The following GPR160 variants were observed in gnomAD, a reference collection of about 807,000 sequenced individuals.
GPR160 encodes the protein G protein-coupled receptor 160.
GPR160 carries 2 observed loss-of-function variants against 2.6 expected under a neutral mutation model. The ratio of observed to expected loss-of-function variants is 0.77; its 90% confidence interval spans 0.32 to 2.44. The LOEUF (loss-of-function observed/expected upper bound fraction) is 2.44. GPR160 is among the 30% of genes most tolerant of loss of function. GPR160 has a pLI of 0.11. For synonymous variants in GPR160, 130 were observed against 132.2 expected (o/e 0.98, Z 0.12); for missense variants, 351 against 383.6 (o/e 0.91, Z 0.71).
In GPR160 at chr3:170,038,401, G is replaced by C. The variant is rs1241861368; in HGVS notation, c.-322+186G>C. The C allele has an allele frequency of 2.6e-5, 4 of 152,234 alleles. No individual in the cohort carries two copies. The highest frequency in any genetic ancestry group is 9.7e-5 in the African/African-American group (4 of 41,424). The allele number at this position is 152,234 out of a possible 1,614,324, so 9.4% of individuals were successfully genotyped here. On this transcript the variant is annotated intron_variant, in intron 1 of 3. Transcript: ENST00000355897. The surrounding 1 kb of genome is among the most constrained non-coding windows in gnomAD (Gnocchi z 5.3). ...GGTTCTCTGCTACTTAAGAGATCCA[G>C]GAGTGGAGCCCGGACGCCCGAGCCT...
chr3:170,062,434 C>T (rs1171608265), intron 2 of GPR160: 2 of 490,016 alleles, frequency 4.1e-6, no homozygotes, highest in Non-Finnish European at 7.6e-6. Flanking sequence ...GTGTTCCAGC[C>T]TTCAGGAGGA....
In GPR160 at chr3:170,084,638, A is replaced by T; in HGVS notation, c.666A>T (p.Leu222Phe). ...CTTCCTATATGAATGAAACTATCTTATATTTTCCTTTTTCATCCCACTCCA... is the reference window on the plus strand; with the variant it reads ...CTTCCTATATGAATGAAACTATCTTTTATTTTCCTTTTTCATCCCACTCCA... Reference protein sequence around the residue: ...RITSYMNETILYFPFSSHSSY... With the variant: ...RITSYMNETIFYFPFSSHSSY... Residue 222 changes from leucine to phenylalanine, a missense_variant, in exon 4 of 4, where the codon TTA becomes TTT. Physicochemically the swap from Leu to Phe is conservative, Grantham distance 22. Transcript: ENST00000355897. 6.2e-7 allele frequency: 1 copy of T among 1,611,222 alleles called. No individual in the cohort carries two copies. The highest frequency in any genetic ancestry group is 1.1e-5 in the South Asian group (1 of 90,998).
intron 2 of GPR160, among the ~76,000 whole-genome samples, chr3:170,065,407 C>T (rs1712273501): frequency 6.6e-6 from 1 of 152,224 alleles, no homozygotes; most frequent in Non-Finnish European, 1.5e-5. Flanking sequence ...TTAGATTGTG[C>T]ACTCTGGATC....
intron 2 of GPR160, among the ~76,000 whole-genome samples, chr3:170,043,858 G>A (rs1237033104): frequency 6.6e-6 from 1 of 151,784 alleles, no homozygotes; most frequent in African/African-American, 2.4e-5. Context: ...CTGCCCTAAC[G>A]ATTCCCAACG....
chr3:170,057,137 G>C (rs1048519006), intron 2 of GPR160, among the ~76,000 whole-genome samples: 1 of 152,178 alleles, frequency 6.6e-6, no homozygotes, highest in Non-Finnish European at 1.5e-5. Context: ...ACCTAGCAAA[G>C]GTAGTTATAA....
At position 170,085,180 on chromosome 3, in the gene GPR160, C is replaced by A; in HGVS notation, c.*191C>A. 1 of 389,016 alleles carries A rather than the reference C, an allele frequency of 2.6e-6. No homozygotes were observed. Among genetic ancestry groups the A allele is most frequent in the Non-Finnish European group, 4.7e-6 (1 of 211,778 alleles). The allele number at this position is 389,016 out of a possible 1,614,324, so 24.1% of individuals were successfully genotyped here. A position where few individuals can be genotyped will look rare whatever the true frequency, so the allele number is the denominator to read the frequency against. On this transcript the variant is annotated 3_prime_UTR_variant, in exon 4 of 4. Coordinates refer to ENST00000355897, the MANE Select transcript of GPR160 (RefSeq NM_014373.3). Reference sequence around the variant, plus strand: ...GTTTTATTTTAAAAACAAAATAATTCCAAGAAGTTTTTATAGTTATTCAGG... The same window carrying A: ...GTTTTATTTTAAAAACAAAATAATTACAAGAAGTTTTTATAGTTATTCAGG...
At chr3:170,040,474 G>A (rs1167919916) in intron 2 of GPR160, among the ~76,000 whole-genome samples, 1 of 152,230 alleles carries the variant, frequency 6.6e-6, no homozygotes, top group African/African-American at 2.4e-5. Context: ...AAGGCAGAGG[G>A]TGTTTGCTGA....
In GPR160 at chr3:170,067,451, C is replaced by A. The variant is rs183067828; in HGVS notation, c.-192-12323C>A. Among the ~76,000 whole-genome samples the A allele has an allele frequency of 1.2e-4, 19 of 152,172 alleles. No homozygotes were observed. In the East Asian group the frequency reaches 3.7e-3, roughly 29 times the overall value. On this transcript the variant is annotated intron_variant, in intron 2 of 3. Coordinates refer to ENST00000355897, the MANE Select transcript of GPR160 (RefSeq NM_014373.3). Reference sequence around the variant, plus strand: ...CTTTTTCTTGTTTGATTTCCAGGAGCTCTTTATAAATTAGGTTAATATTTT... The same window carrying A: ...CTTTTTCTTGTTTGATTTCCAGGAGATCTTTATAAATTAGGTTAATATTTT...
intron 3 of GPR160, among the ~76,000 whole-genome samples, chr3:170,082,521 G>A (rs1713185033): frequency 1.3e-5 from 2 of 152,194 alleles, no homozygotes; most frequent in Non-Finnish European, 2.9e-5. Context: ...GATTAGGGAT[G>A]CATTCAAGAT....
rs558584605 is a variant in GPR160, at chr3:170,074,948, G to A, written c.-192-4826G>A. Among the ~76,000 whole-genome samples the A allele has an allele frequency of 1.3e-3, 192 of 152,026 alleles. 1 individual carries two copies. The highest frequency in any genetic ancestry group is 3.7e-3 in the Admixed American group (56 of 15,252). ...AATATAAGAATATCAGAAGAGGGCC[G>A]GGTGCAGTGGCTCACACCTGTAATC... On this transcript the variant is annotated intron_variant, in intron 2 of 3. Coordinates refer to ENST00000355897, the MANE Select transcript of GPR160 (RefSeq NM_014373.3).
chr3:170,083,484 A>G (rs562133461), intron 3 of GPR160: 1 of 152,410 alleles, frequency 6.6e-6, no homozygotes, highest in East Asian at 1.9e-4. Context: ...CTTCACTGAC[A>G]AAAGGGACTG....
intron 2 of GPR160, among the ~76,000 whole-genome samples, chr3:170,067,521 G>C (rs1174392163): frequency 6.6e-6 from 1 of 151,766 alleles, no homozygotes; most frequent in African/African-American, 2.4e-5. Flanking sequence ...AGAATTGAAG[G>C]CATCTCTGGC....
chr3:170,071,085 C>T (rs559524644), intron 2 of GPR160, among the ~76,000 whole-genome samples: 34 of 117,180 alleles, frequency 2.9e-4, no homozygotes, highest in Middle Eastern at 4.5e-3. Flanking sequence ...TGTTGTGAAT[C>T]CCATATAATT....
chr3:170,044,800 C>T (rs1045871881), intron 2 of GPR160, among the ~76,000 whole-genome samples: 19 of 152,180 alleles, frequency 1.2e-4, no homozygotes, highest in African/African-American at 4.3e-4. Context: ...TCCTTCTCTG[C>T]CTACCACTCT....
Position 170,080,452 on chromosome 3 carries a change from A to T in GPR160, c.-69+555A>T, listed in dbSNP as rs1400945174. ...CTCTTATTTTTCTTCTAGCTTTATG[A>T]TTCTCTTACATGTTCCATGTCGGAC... On this transcript the variant is annotated intron_variant, in intron 3 of 3. Coordinates refer to ENST00000355897, the MANE Select transcript of GPR160 (RefSeq NM_014373.3). Among the ~76,000 whole-genome samples, 4 of 151,898 alleles carry T rather than the reference A, an allele frequency of 2.6e-5. No homozygotes were observed. The South Asian group carries it at 6.2e-4, about 24-fold the overall frequency.
intron 2 of GPR160, among the ~76,000 whole-genome samples, chr3:170,049,549 G>A (rs1050213914): frequency 2.0e-5 from 3 of 152,200 alleles, no homozygotes; most frequent in Admixed American, 6.5e-5. Context: ...AGTATACAAA[G>A]TGCCCTGACA....
intron 2 of GPR160, among the ~76,000 whole-genome samples, chr3:170,050,163 G>C (rs1424797596): frequency 6.6e-6 from 1 of 151,098 alleles, no homozygotes; most frequent in Non-Finnish European, 1.5e-5. Flanking sequence ...AGGTTTAAGT[G>C]ATTCTCCTGC....
At chr3:170,069,396 A>G (rs1712486028) in intron 2 of GPR160, among the ~76,000 whole-genome samples, 1 of 152,154 alleles carries the variant, frequency 6.6e-6, no homozygotes, top group African/African-American at 2.4e-5. Flanking sequence ...TATTCACTGT[A>G]TGTGATTCAC....
At chr3:170,056,957 G>C (rs543501539) in intron 2 of GPR160, among the ~76,000 whole-genome samples, 201 of 152,254 alleles carry the variant, frequency 1.3e-3, no homozygotes, top group Non-Finnish European at 2.5e-3. Flanking sequence ...ATGATACAGT[G>C]AAGTCATTTC....
Sources: gnomAD v4.1 joint callset for allele counts (sites outside exome capture counted in the v4.1 genomes callset) on GRCh38, gnomAD v4.1.1 for gene constraint, Gnocchi (gnomAD v3.1) non-coding constraint, MANE v1.5 for transcripts, NCBI Gene and HGNC (gene_info 2026-07-23, HGNC 2026-07-21) for gene names.